The following BAG4 variants were observed in gnomAD, a reference collection of about 807,000 sequenced individuals.
BAG4 encodes the protein BAG family molecular chaperone regulator 4.
Under a neutral mutation model 52.1 loss-of-function variants are expected in BAG4, and 28 were observed. That is an observed-to-expected ratio of 0.54 (90% CI 0.40 to 0.74). The LOEUF (loss-of-function observed/expected upper bound fraction) is 0.74. BAG4 is among the 30% of genes least tolerant of loss of function. BAG4 has a pLI of 0.00. For missense variants in BAG4, 525 were observed against 572.0 expected (o/e 0.92, Z 0.84); for synonymous variants, 208 against 217.0 (o/e 0.96, Z 0.37).
intron 1 of BAG4, among the ~76,000 whole-genome samples, chr8:38,190,619 G>A (rs57918891): frequency 0.24 from 35,222 of 147,588 alleles, 4,386 homozygotes; most frequent in East Asian, 0.3. Flanking sequence ...TTTTTTTTTG[G>A]GTAAAGACTG....
At chr8:38,181,543 C>A (rs1290365067) in intron 1 of BAG4, among the ~76,000 whole-genome samples, 6 of 151,752 alleles carry the variant, frequency 4.0e-5, no homozygotes, top group Admixed American at 3.9e-4. Context: ...TTGAGACCAG[C>A]CTGGCCAACG....
intron 1 of BAG4, among the ~76,000 whole-genome samples, chr8:38,187,602 G>C (rs1233991432): frequency 6.6e-6 from 1 of 152,066 alleles, no homozygotes; most frequent in Non-Finnish European, 1.5e-5. Flanking sequence ...AACATTTGTA[G>C]ACATAATGTG....
Position 38,209,093 on chromosome 8 carries a change from A to G in BAG4, c.714A>G (p.Pro238=). ...SVPQSGPTVR[P]QEDAWASPGA... is the part of the protein sequence containing the mutation. ...CACAATCAGGACCGACTGTACGACC[A>G]CAAGAAGATGCGTGGGCTTCTCCTG... The change falls in exon 4 of 5, where the codon CCA becomes CCG. Residue 238 remains proline, a synonymous_variant. Coordinates refer to ENST00000287322, the MANE Select transcript of BAG4 (RefSeq NM_004874.4). 6.2e-7 allele frequency: 1 copy of G among 1,614,194 alleles called. No homozygotes were observed.
rs571918708 is a variant in BAG4, at chr8:38,208,720, G to A, written c.634-293G>A. Among the ~76,000 whole-genome samples, 4 of 152,166 alleles carry A rather than the reference G, an allele frequency of 2.6e-5. No homozygotes were observed. In the South Asian group the frequency reaches 8.3e-4, roughly 32 times the overall value. ...GTGCTTCCTTATAGCATATGGGTCC[G>A]TTTGTTTATAGTATCTATGGGACAG... On this transcript the variant is annotated intron_variant, in intron 3 of 4. Transcript: ENST00000287322.
At chr8:38,208,506 T>C (rs1803813016) in intron 3 of BAG4, among the ~76,000 whole-genome samples, 1 of 150,078 alleles carries the variant, frequency 6.7e-6, no homozygotes, top group Non-Finnish European at 1.5e-5. Flanking sequence ...AGAGATGGGG[T>C]TTCACCTTGT....
At chr8:38,203,268 G>A (rs1347056841) in intron 2 of BAG4, among the ~76,000 whole-genome samples, 3 of 151,344 alleles carry the variant, frequency 2.0e-5, no homozygotes, top group African/African-American at 7.3e-5. Context: ...ATGTGAAACT[G>A]CAGTCTTGAG....
chr8:38,188,670 TATACATGTATACATATATACATGTATAC>T (rs1382554885), intron 1 of BAG4, among the ~76,000 whole-genome samples: 45 of 145,482 alleles, frequency 3.1e-4, no homozygotes, highest in African/African-American at 6.8e-4. Context: ...CATGTATACA[TATACATGTATACATATATACATGTATAC>T]ATATATATGT....
At chr8:38,201,833 T>TC (rs1803666164) in intron 2 of BAG4, 1 of 55,958 alleles carries the variant, frequency 1.8e-5, no homozygotes, top group East Asian at 4.3e-4. Context: ...GAGTGTGGAA[T>TC]TTATATATAT....
At chr8:38,194,526 C>T (rs1224301243) in intron 2 of BAG4, among the ~76,000 whole-genome samples, 1 of 150,144 alleles carries the variant, frequency 6.7e-6, no homozygotes, top group East Asian at 2.0e-4. Flanking sequence ...AAATGATTCT[C>T]CGCCTCAGCC....
chr8:38,181,122 T>TA (rs1803260067), intron 1 of BAG4, among the ~76,000 whole-genome samples: 1 of 151,308 alleles, frequency 6.6e-6, no homozygotes, highest in Non-Finnish European at 1.5e-5. Context: ...TTTGTATTTT[T>TA]AGTAGAGACG....
At chr8:38,181,750 C>CA (rs1185142775) in intron 1 of BAG4, among the ~76,000 whole-genome samples, 1 of 151,232 alleles carries the variant, frequency 6.6e-6, no homozygotes, top group Non-Finnish European at 1.5e-5. Context: ...AAAAGAAAAA[C>CA]AAAAATTAGC....
chr8:38,183,491 T>A (rs910493375), intron 1 of BAG4, among the ~76,000 whole-genome samples: 1 of 152,168 alleles, frequency 6.6e-6, no homozygotes, highest in African/African-American at 2.4e-5. Flanking sequence ...TTTCCCTGTA[T>A]TCTTCTATTT....
chr8:38,202,728 G>A (rs1803702849), intron 2 of BAG4, among the ~76,000 whole-genome samples: 1 of 151,560 alleles, frequency 6.6e-6, no homozygotes, highest in Admixed American at 6.6e-5. Flanking sequence ...TTTTTGTAGA[G>A]ATGGGGTCTC....
intron 2 of BAG4, among the ~76,000 whole-genome samples, chr8:38,203,601 A>T (rs1267323345): frequency 6.6e-6 from 1 of 152,002 alleles, no homozygotes; most frequent in Non-Finnish European, 1.5e-5. Flanking sequence ...TTTTGTGATA[A>T]GTCCTGTTAC....
intron 2 of BAG4, among the ~76,000 whole-genome samples, chr8:38,206,336 T>A (rs559864840): frequency 2.5e-4 from 38 of 151,446 alleles, no homozygotes; most frequent in Non-Finnish European, 4.6e-4. Context: ...ATTACAGGCA[T>A]GAGCCTGTGC....
intron 1 of BAG4, among the ~76,000 whole-genome samples, chr8:38,185,628 G>A (rs898660720): frequency 6.6e-6 from 1 of 152,076 alleles, no homozygotes; most frequent in Non-Finnish European, 1.5e-5. Flanking sequence ...CCATCTTGGC[G>A]ATCTCGGCTT....
chr8:38,177,643 C>A (rs1803187371), intron 1 of BAG4, among the ~76,000 whole-genome samples: 1 of 152,112 alleles, frequency 6.6e-6, no homozygotes, highest in African/African-American at 2.4e-5. Context: ...CATGAATAAT[C>A]AGTGTTGTAA....
At chr8:38,189,871 G>C (rs2130671104) in intron 1 of BAG4, among the ~76,000 whole-genome samples, 1 of 152,206 alleles carries the variant, frequency 6.6e-6, no homozygotes, top group Non-Finnish European at 1.5e-5. Context: ...AGGCTGGAGT[G>C]CAGTGGCGTG....
At chr8:38,181,260 G>GT (rs1803265290) in intron 1 of BAG4, among the ~76,000 whole-genome samples, 1 of 141,666 alleles carries the variant, frequency 7.1e-6, no homozygotes, top group Non-Finnish European at 1.5e-5. Context: ...TTGAGACGGA[G>GT]TTTTGCTCTT....
Sources: allele counts gnomAD v4.1 joint callset (sites outside exome capture counted in the v4.1 genomes callset), GRCh38; gene constraint gnomAD v4.1.1; transcripts MANE v1.5; gene names NCBI Gene and HGNC (gene_info 2026-07-23, HGNC 2026-07-21).